Variants in FKBP14 observed in about 807,000 individuals in gnomAD.
The protein encoded by FKBP14 is FKBP prolyl isomerase 14, also known as peptidyl-prolyl cis-trans isomerase FKBP14.
In FKBP14, 20 loss-of-function variants were observed where a neutral mutation model predicts 21.6. That is an observed-to-expected ratio of 0.92 (90% CI 0.65 to 1.34). The LOEUF is 1.34. Among genes scored for constraint, FKBP14 ranks in the 40% most tolerant of loss-of-function variants. FKBP14 has a pLI of 0.00. For synonymous variants in FKBP14, 79 were observed against 86.7 expected (o/e 0.91, Z 0.49); for missense variants, 253 against 249.0 (o/e 1.02, Z -0.11).
chr7:30,023,416 T>C (rs1420392710), intron 1 of FKBP14, among the ~76,000 whole-genome samples: 2 of 152,218 alleles, frequency 1.3e-5, no homozygotes, highest in Non-Finnish European at 2.9e-5. Flanking sequence ...GTGTCTTATA[T>C]CCTGCCTACA....
chr7:30,006,162 C>A (rs1369661619), downstream of FKBP14, among the ~76,000 whole-genome samples: 6 of 148,752 alleles, frequency 4.0e-5, no homozygotes, highest in Non-Finnish European at 8.9e-5. Context: ...CCCTCTGTTA[C>A]CCAGGCTGAA....
chr7:30,007,233 CAG>C (rs1368965535), downstream of FKBP14, among the ~76,000 whole-genome samples: 4 of 127,988 alleles, frequency 3.1e-5, no homozygotes, highest in East Asian at 2.3e-4. Flanking sequence ...TTTTTTTAGA[CAG>C]AGTCTCGCTC....
downstream of FKBP14, among the ~76,000 whole-genome samples, chr7:30,010,363 CAA>C (rs952668077): frequency 7.9e-5 from 12 of 152,320 alleles, no homozygotes; most frequent in Middle Eastern, 3.4e-3. Context: ...TGCTAAAGGT[CAA>C]GACTTAATGC....
chr7:30,024,273 G>T (rs1303755017), intron 1 of FKBP14, among the ~76,000 whole-genome samples: 1 of 152,148 alleles, frequency 6.6e-6, no homozygotes, highest in Non-Finnish European at 1.5e-5. Context: ...AATGAAAAAA[G>T]AAGCAGGAAA....
chr7:30,009,587 C>T (rs189913562), downstream of FKBP14, among the ~76,000 whole-genome samples: 93 of 152,172 alleles, frequency 6.1e-4, no homozygotes, highest in Admixed American at 6.1e-3. Context: ...CATAACATGC[C>T]ACCAAATTCC....
At chr7:30,010,028 GAAAT>G (rs1335179206), downstream of FKBP14, among the ~76,000 whole-genome samples, 1 of 151,842 alleles carries the variant, frequency 6.6e-6, no homozygotes. Context: ...AAATAGAAAA[GAAAT>G]ATAAGCAATA....
intron 2 of FKBP14, among the ~76,000 whole-genome samples, chr7:30,022,140 A>G (rs777772105): frequency 4.6e-5 from 7 of 152,178 alleles, no homozygotes; most frequent in Non-Finnish European, 7.3e-5. Flanking sequence ...AGTACAACCC[A>G]TATATAACCC....
At chr7:30,017,328 T>C (rs1789914925) in intron 3 of FKBP14, among the ~76,000 whole-genome samples, 1 of 152,164 alleles carries the variant, frequency 6.6e-6, no homozygotes, top group South Asian at 2.1e-4. Flanking sequence ...CCCAGCACTT[T>C]GGGAGGCCAA....
At chr7:30,023,056 T>C (rs1790077892) in intron 1 of FKBP14, among the ~76,000 whole-genome samples, 1 of 147,246 alleles carries the variant, frequency 6.8e-6, no homozygotes, top group Non-Finnish European at 1.5e-5. Context: ...ACAGAGGAAA[T>C]AATAAAAACA....
At chr7:30,007,741 A>G (rs1789642047), downstream of FKBP14, among the ~76,000 whole-genome samples, 1 of 152,210 alleles carries the variant, frequency 6.6e-6, no homozygotes, top group Non-Finnish European at 1.5e-5. Context: ...CAGGGTCACC[A>G]GCAAGCATGT....
intron 2 of FKBP14, among the ~76,000 whole-genome samples, chr7:30,021,896 T>A (rs1327469579): frequency 6.6e-6 from 1 of 152,144 alleles, no homozygotes; most frequent in Non-Finnish European, 1.5e-5. Flanking sequence ...CTTTGGAAAG[T>A]TGCAGGGGTT....
chr7:30,022,237 T>C (rs1309631020), intron 2 of FKBP14, among the ~76,000 whole-genome samples: 1 of 152,196 alleles, frequency 6.6e-6, no homozygotes, highest in Non-Finnish European at 1.5e-5. Context: ...TCTTTCTCTC[T>C]GCATTGTTAA....
chr7:30,010,458 T>C (rs1322142239), downstream of FKBP14: 8 of 152,192 alleles, frequency 5.3e-5, no homozygotes, highest in African/African-American at 1.9e-4. Flanking sequence ...GCACAAAGTG[T>C]CACTGTACCC....
chr7:30,021,518 G>A (rs1790030136), intron 2 of FKBP14, among the ~76,000 whole-genome samples: 1 of 151,126 alleles, frequency 6.6e-6, no homozygotes, highest in Admixed American at 6.6e-5. Context: ...CCTTAGGTTT[G>A]AAGGAATTAT....
At chr7:30,015,629 T>TC (rs1195890649) in intron 3 of FKBP14, among the ~76,000 whole-genome samples, 1 of 146,174 alleles carries the variant, frequency 6.8e-6, no homozygotes, top group Admixed American at 6.8e-5. Context: ...ACAGAATCTT[T>TC]TTTTTTTTTT....
At chr7:30,007,211 GT>G (rs10716152), downstream of FKBP14, among the ~76,000 whole-genome samples, 121,696 of 129,246 alleles carry the variant, frequency 0.94, 57,303 homozygotes, top group Non-Finnish European at 0.96. Flanking sequence ...AAGTTCCTTT[GT>G]TTTTTTTTTT....
chr7:30,011,818 C>G lies in FKBP14; in HGVS notation c.*2917G>C, dbSNP rs1789746633. On this transcript the variant is annotated 3_prime_UTR_variant, in exon 4 of 4. Coordinates refer to ENST00000222803, the MANE Select transcript of FKBP14 (RefSeq NM_017946.4). ...CAATCCACCTGCTGAGGCAGCCTCC[C>G]AAAGTGCTAGGATTACAGGCGTGAA... is the stretch of plus-strand genomic sequence containing the variant. 1 of 151,852 alleles carries G rather than the reference C, an allele frequency of 6.6e-6. No homozygotes were observed. Among genetic ancestry groups the G allele is most frequent in the Non-Finnish European group, 1.5e-5 (1 of 68,020 alleles). 9.4% of individuals were successfully genotyped at this position (151,852 alleles called of 1,614,324 possible). A position where few individuals can be genotyped will look rare whatever the true frequency, so the allele number is the denominator to read the frequency against.
rs1380892829 is a variant in FKBP14, at chr7:30,012,556, TTA to T, written c.*2177_*2178del. 1.3e-5 allele frequency: 2 copies of T among 152,220 alleles called. No individual in the cohort carries two copies. Among genetic ancestry groups the T allele is most frequent in the African/African-American group, 2.4e-5 (1 of 41,466 alleles). 9.4% of individuals were successfully genotyped at this position (152,220 alleles called of 1,614,324 possible). A position where few individuals can be genotyped will look rare whatever the true frequency, so the allele number is the denominator to read the frequency against. On this transcript the variant is annotated 3_prime_UTR_variant, in exon 4 of 4. Coordinates refer to ENST00000222803, the MANE Select transcript of FKBP14 (RefSeq NM_017946.4). Reference sequence around the variant, plus strand: ...TTACAGTATAGTCTTGTTAAGAACTTTATGTTTTACTGAGGAAAATGTCAACA... The same window carrying T: ...TTACAGTATAGTCTTGTTAAGAACTTTGTTTTACTGAGGAAAATGTCAACA...
chr7:30,016,420 G>A (rs1431418069), intron 3 of FKBP14, among the ~76,000 whole-genome samples: 2 of 150,934 alleles, frequency 1.3e-5, no homozygotes, highest in East Asian at 3.9e-4. Context: ...TTGAAATAGA[G>A]TCTTGCTCTG....
Sources: gnomAD v4.1 joint callset for allele counts (sites outside exome capture counted in the v4.1 genomes callset) on GRCh38, gnomAD v4.1.1 for gene constraint, MANE v1.5 for transcripts, NCBI Gene and HGNC (gene_info 2026-07-23, HGNC 2026-07-21) for gene names.